Variants in DPP6 observed in about 807,000 individuals in gnomAD.
The protein encoded by DPP6 is dipeptidyl peptidase like 6, also known as A-type potassium channel modulatory protein DPP6.
Under a neutral mutation model 122.6 loss-of-function variants are expected in DPP6, and 69 were observed. That is an observed-to-expected ratio of 0.56 (90% confidence interval 0.46 to 0.69). The LOEUF (loss-of-function observed/expected upper bound fraction) is 0.69, where lower values mean the gene tolerates loss of function less well. Ranked by LOEUF, DPP6 falls within the 30% of genes least tolerant of loss-of-function variation. The probability of loss-of-function intolerance (pLI) is 0.00; values close to 1 mark genes in which losing one functional copy is unlikely to be tolerated. For synonymous variants in DPP6, 418 were observed against 433.1 expected (o/e 0.97, Z 0.43); for missense variants, 928 against 1,116.9 (o/e 0.83, Z 2.41).
intron 1 of DPP6, among the ~76,000 whole-genome samples, chr7:153,899,825 T>A (rs1157068958): frequency 6.6e-6 from 1 of 152,234 alleles, no homozygotes; most frequent in African/African-American, 2.4e-5. Flanking sequence ...CTCACATGCG[T>A]ATTAACGCTT....
the DPP6 span, among the ~76,000 whole-genome samples, chr7:153,854,136 G>A: frequency 2.0e-5 from 3 of 149,568 alleles, no homozygotes; most frequent in Non-Finnish European, 4.4e-5. Flanking sequence ...TCTCAGGTTT[G>A]TCAAAGATCA....
At chr7:153,756,208 T>C in the DPP6 span, among the ~76,000 whole-genome samples, 1 of 151,768 alleles carries the variant, frequency 6.6e-6, no homozygotes. Flanking sequence ...CCAGGTTCCC[T>C]CATCCTGACC....
At chr7:154,371,512 G>A (rs962471633) in intron 1 of DPP6, among the ~76,000 whole-genome samples, 12 of 152,010 alleles carry the variant, frequency 7.9e-5, no homozygotes, top group African/African-American at 2.4e-4. Flanking sequence ...TCCTGAGTAG[G>A]CTCAAGCTTC....
chr7:154,008,564 C>G (rs1798010188), intron 1 of DPP6, among the ~76,000 whole-genome samples: 3 of 152,216 alleles, frequency 2.0e-5, no homozygotes, highest in African/African-American at 7.2e-5. Flanking sequence ...CTTACCTATC[C>G]TGAGAACCTT....
At chr7:154,402,768 AG>A (rs1467602924) in intron 1 of DPP6, among the ~76,000 whole-genome samples, 4 of 150,622 alleles carry the variant, frequency 2.7e-5, no homozygotes, top group Non-Finnish European at 5.9e-5. Context: ...TTTAAAAAAA[AG>A]AAAAAAATAA....
chr7:153,931,831 TC>T (rs2129013341), intron 1 of DPP6, among the ~76,000 whole-genome samples: 1 of 152,328 alleles, frequency 6.6e-6, no homozygotes, highest in East Asian at 1.9e-4. Context: ...GTGCCACACA[TC>T]CAGTTGTTTT....
chr7:154,586,621 G>C (rs7800754), intron 5 of DPP6, among the ~76,000 whole-genome samples: 1 of 152,102 alleles, frequency 6.6e-6, no homozygotes, highest in Admixed American at 6.5e-5. Flanking sequence ...TGTTGCTCTC[G>C]ATCCCTGTTC....
rs117166990 is a variant in DPP6, at chr7:154,733,092, G to T, written c.883+5205G>T. Among the ~76,000 whole-genome samples the T allele has an allele frequency of 5.9e-5, 9 of 152,318 alleles. No individual in the cohort carries two copies. The East Asian group carries it at 1.7e-3, about 29-fold the overall frequency. ...CAGTCCCCACGGAGCCACCGTCCTG[G>T]TTCCACCTACCTGGGAGCCCCCAAG... On this transcript the variant is annotated intron_variant, in intron 8 of 25. Transcript: ENST00000377770.
In DPP6 at chr7:153,948,723, A is replaced by G. The variant is rs927667389; in HGVS notation, c.51+60989A>G. Among the ~76,000 whole-genome samples the G allele has an allele frequency of 4.0e-5, 6 of 150,424 alleles. No homozygotes were observed. In the East Asian group the frequency reaches 7.8e-4, roughly 19 times the overall value. On this transcript the variant is annotated intron_variant, in intron 1 of 25. Transcript: ENST00000404039. ...CAAAGGTCCCACTTACCTGTCCTCT[A>G]TAATATAGACTACCTTCCCTTCAAA...
chr7:154,355,174 T>G (rs997352004), intron 1 of DPP6, among the ~76,000 whole-genome samples: 1 of 152,352 alleles, frequency 6.6e-6, no homozygotes, highest in Non-Finnish European at 1.5e-5. Flanking sequence ...TCAAGTTTTT[T>G]GCTCATTTTT....
chr7:154,829,508 G>A (rs199837690), intron 16 of DPP6, among the ~76,000 whole-genome samples: 3 of 108,770 alleles, frequency 2.8e-5, no homozygotes, highest in South Asian at 6.3e-4. Context: ...AGGAAGGAAG[G>A]AAGGAAAATG....
At chr7:154,512,245 A>C (rs2129817004) in intron 3 of DPP6, among the ~76,000 whole-genome samples, 1 of 152,346 alleles carries the variant, frequency 6.6e-6, no homozygotes, top group East Asian at 1.9e-4. Flanking sequence ...ATAATGACGT[A>C]TATAATGGCT....
chr7:154,576,320 C>CCCACATT (rs1831668088), intron 5 of DPP6, among the ~76,000 whole-genome samples: 1 of 151,964 alleles, frequency 6.6e-6, no homozygotes, highest in South Asian at 2.1e-4. Flanking sequence ...GAGACCTGAC[C>CCCACATT]CCACACTCCA....
At chr7:154,736,065 C>T (rs1424787448) in intron 8 of DPP6, among the ~76,000 whole-genome samples, 2 of 152,240 alleles carry the variant, frequency 1.3e-5, no homozygotes, top group Non-Finnish European at 2.9e-5. Flanking sequence ...TCCTAACCAG[C>T]ACCATCTCTC....
chr7:154,816,185 C>A (rs188848242), intron 16 of DPP6, among the ~76,000 whole-genome samples: 27 of 152,292 alleles, frequency 1.8e-4, no homozygotes, highest in Non-Finnish European at 2.1e-4. Flanking sequence ...AACAGTATGG[C>A]AGTCCCCCCT....
chr7:154,283,520 C>T lies in DPP6; in HGVS notation c.244-162694C>T, dbSNP rs149217684. Among the ~76,000 whole-genome samples, 17 of 152,090 alleles carry T rather than the reference C, an allele frequency of 1.1e-4. No individual in the cohort carries two copies. The East Asian group carries it at 1.9e-3, about 17-fold the overall frequency. The stretch of plus-strand genomic sequence containing the variant: ...GTACCTGTAAAGGCTAAGCAATATC[C>T]GAGGCTCATGGGGTACACAGCAATA... On this transcript the variant is annotated intron_variant, in intron 1 of 25. Coordinates refer to ENST00000377770, the MANE Select transcript of DPP6 (RefSeq NM_130797.4).
Position 154,772,947 on chromosome 7 carries a change from G to C in DPP6, c.1136+5G>C. 1.9e-6 allele frequency: 3 copies of C among 1,569,132 alleles called. No homozygotes were observed. Among genetic ancestry groups the C allele is most frequent in the Non-Finnish European group, 2.6e-6 (3 of 1,160,732 alleles). On this transcript the variant is annotated splice_donor_5th_base_variant and intron_variant, in intron 10 of 25. Transcript: ENST00000377770. ...GCCTGATGATCCACGGATGAGGTTT[G>C]CTTCCTTCTATTATGTTACCAAAAA...
chr7:154,648,244 G>T (rs1836628450), intron 6 of DPP6, among the ~76,000 whole-genome samples: 1 of 124,712 alleles, frequency 8.0e-6, no homozygotes, highest in South Asian at 3.0e-4. Flanking sequence ...CTCTAGCCTG[G>T]GCAACAAGAG....
intron 12 of DPP6, 191 bp downstream of exon 12, chr7:154,796,074 G>A (rs2150436349): frequency 1.2e-6 from 1 of 861,232 alleles, no homozygotes; most frequent in South Asian, 2.4e-5. Context: ...GAGAGCTCCA[G>A]GAGAATCCAA....
Sources: allele counts gnomAD v4.1 joint callset (sites outside exome capture counted in the v4.1 genomes callset), GRCh38; gene constraint gnomAD v4.1.1; transcripts MANE v1.5; gene names NCBI Gene and HGNC (gene_info 2026-07-23, HGNC 2026-07-21).